Variants in MYRIP observed in about 807,000 individuals in gnomAD.
The protein encoded by MYRIP is rab effector MyRIP.
Under a neutral mutation model 98.0 loss-of-function variants are expected in MYRIP, and 49 were observed. The observed-to-expected ratio is 0.50, with a 90% CI of 0.40 to 0.63. The LOEUF is 0.63. Among genes scored for constraint, MYRIP ranks in the 30% least tolerant of loss-of-function variants. MYRIP has a pLI of 0.00. For synonymous variants in MYRIP, 404 were observed against 409.5 expected (o/e 0.99, Z 0.16); for missense variants, 1,004 against 1,058.2 (o/e 0.95, Z 0.71).
rs193289765 is a variant in MYRIP, at chr3:39,932,384, G to A, written c.110+31458G>A. Among the ~76,000 whole-genome samples the A allele has an allele frequency of 4.6e-5, 7 of 151,392 alleles. No homozygotes were observed. In the East Asian group the frequency reaches 5.8e-4, roughly 13 times the overall value. ...AAAATGAGTCTTTTTTTTTTGGAAC[G>A]GAGTCTCACTCTGTTGCCCAGGCTG... On this transcript the variant is annotated intron_variant, in intron 2 of 16. Transcript: ENST00000302541.
chr3:40,216,946 A>G (rs536961647), intron 11 of MYRIP, among the ~76,000 whole-genome samples: 21 of 152,310 alleles, frequency 1.4e-4, no homozygotes, highest in South Asian at 4.2e-4. Flanking sequence ...GCATATACAT[A>G]CGTGTAAAAA....
At chr3:40,219,013 A>C (rs1040966259) in intron 11 of MYRIP, among the ~76,000 whole-genome samples, 17 of 152,280 alleles carry the variant, frequency 1.1e-4, no homozygotes, top group African/African-American at 3.6e-4. Context: ...ACACAATAGA[A>C]AATGCTGAAA....
At chr3:39,911,263 T>C (rs1449682333) in intron 2 of MYRIP, among the ~76,000 whole-genome samples, 1 of 149,456 alleles carries the variant, frequency 6.7e-6, no homozygotes. Context: ...CAGGAGAGTT[T>C]GATGTTACAA....
intron 2 of MYRIP, among the ~76,000 whole-genome samples, chr3:40,029,327 G>T (rs551991584): frequency 5.3e-5 from 8 of 152,232 alleles, no homozygotes; most frequent in Non-Finnish European, 7.4e-5. Flanking sequence ...ATTATTAGCT[G>T]GTCTGACATA....
chr3:40,161,576 A>G (rs1297900185), intron 4 of MYRIP, among the ~76,000 whole-genome samples: 4 of 152,026 alleles, frequency 2.6e-5, no homozygotes, highest in Non-Finnish European at 5.9e-5. Context: ...CCTTCCAGAA[A>G]AGTCTCAAGG....
chr3:40,033,056 G>C (rs1475015877), intron 2 of MYRIP, among the ~76,000 whole-genome samples: 1 of 150,904 alleles, frequency 6.6e-6, no homozygotes, highest in Non-Finnish European at 1.5e-5. Flanking sequence ...ATTAGATATT[G>C]ATGGGACGTA....
chr3:40,227,312 T>C (rs980911694), intron 11 of MYRIP, among the ~76,000 whole-genome samples: 7 of 152,154 alleles, frequency 4.6e-5, no homozygotes, highest in Non-Finnish European at 4.4e-5. Context: ...TATCAGTGTG[T>C]ATGGTTTGGT....
intron 1 of MYRIP, among the ~76,000 whole-genome samples, chr3:39,889,822 C>T (rs1943435687): frequency 6.6e-6 from 1 of 151,830 alleles, no homozygotes; most frequent in African/African-American, 2.4e-5. Context: ...AAGGCATTTC[C>T]TACTCTGAAA....
intron 1 of MYRIP, among the ~76,000 whole-genome samples, chr3:39,839,344 G>A (rs1392934804): frequency 2.6e-5 from 4 of 151,322 alleles, no homozygotes; most frequent in African/African-American, 4.9e-5. Context: ...TGCAACCTCC[G>A]CCTCCCAGGT....
At chr3:40,198,202 AAAC>A (rs1167285784) in intron 10 of MYRIP, among the ~76,000 whole-genome samples, 3 of 141,838 alleles carry the variant, frequency 2.1e-5, no homozygotes, top group Non-Finnish European at 4.8e-5. Context: ...AGTAGCTATA[AAAC>A]AGGGAAGCAC....
intron 8 of MYRIP, among the ~76,000 whole-genome samples, chr3:40,171,089 T>C (rs1950601864): frequency 6.6e-6 from 1 of 152,080 alleles, no homozygotes. Flanking sequence ...AGCAGAACCT[T>C]TCCTTGTCAA....
chr3:39,856,446 C>T (rs1175177872), intron 1 of MYRIP, among the ~76,000 whole-genome samples: 1 of 152,200 alleles, frequency 6.6e-6, no homozygotes. Context: ...TTGCATAGCC[C>T]AGCCTGCAGC....
chr3:39,856,193 G>T (rs1244948691), intron 1 of MYRIP, among the ~76,000 whole-genome samples: 1 of 152,218 alleles, frequency 6.6e-6, no homozygotes. Flanking sequence ...CACAGAATTT[G>T]CAGTGGTGTG....
In MYRIP at chr3:40,061,114, A is replaced by T. The variant is rs537279041; in HGVS notation, c.332+16843A>T. On this transcript the variant is annotated intron_variant, in intron 3 of 16. Transcript: ENST00000302541. Reference sequence around the variant, plus strand: ...ACTTTTATTTTAGGTTCAAGAGTACATGTGAAGGTTTGTTATACAGGTAAA... The same window carrying T: ...ACTTTTATTTTAGGTTCAAGAGTACTTGTGAAGGTTTGTTATACAGGTAAA... Among the ~76,000 whole-genome samples the T allele has an allele frequency of 2.0e-5, 3 of 152,330 alleles. No individual in the cohort carries two copies. The East Asian group carries it at 5.8e-4, about 29-fold the overall frequency.
chr3:39,866,023 G>A (rs1252518565), intron 1 of MYRIP, among the ~76,000 whole-genome samples: 1 of 152,088 alleles, frequency 6.6e-6, no homozygotes, highest in African/African-American at 2.4e-5. Flanking sequence ...GTCCTTTGTA[G>A]CAACATCAGT....
At chr3:39,878,389 T>A (rs1221284050) in intron 1 of MYRIP, among the ~76,000 whole-genome samples, 1 of 152,228 alleles carries the variant, frequency 6.6e-6, no homozygotes, top group African/African-American at 2.4e-5. Context: ...ACTAGTGAGA[T>A]GAAGCCGGTA....
chr3:40,050,130 A>T (rs1947759491), intron 3 of MYRIP, among the ~76,000 whole-genome samples: 1 of 152,192 alleles, frequency 6.6e-6, no homozygotes, highest in South Asian at 2.1e-4. Context: ...ATCATTGATG[A>T]AGGTGGCTAC....
In MYRIP at chr3:39,905,391, G is replaced by A. The variant is rs528771679; in HGVS notation, c.110+4465G>A. On this transcript the variant is annotated intron_variant, in intron 2 of 16. Coordinates refer to ENST00000302541, the MANE Select transcript of MYRIP (RefSeq NM_015460.4). ...TTTCAGTTTTCTGCTCTGAAATTGG[G>A]GACTTAGCTCACTTACTTATATTAC... Among the ~76,000 whole-genome samples, 34 of 152,052 alleles carry A rather than the reference G, an allele frequency of 2.2e-4. 1 individual carries two copies. The highest frequency in any genetic ancestry group is 8.2e-4 in the African/African-American group (34 of 41,466).
At chr3:40,201,179 T>C (rs1329598918) in intron 10 of MYRIP, among the ~76,000 whole-genome samples, 2 of 152,242 alleles carry the variant, frequency 1.3e-5, no homozygotes, top group Non-Finnish European at 2.9e-5. Context: ...AATTTGTTCA[T>C]TCCTCATGTA....
Sources: gnomAD v4.1 joint callset for allele counts (sites outside exome capture counted in the v4.1 genomes callset) on GRCh38, gnomAD v4.1.1 for gene constraint, MANE v1.5 for transcripts, NCBI Gene and HGNC (gene_info 2026-07-23, HGNC 2026-07-21) for gene names.